HEATR4: variants seen among roughly 807,000 people sequenced by gnomAD.
HEATR4 encodes the protein HEAT repeat containing 4.
HEATR4 carries 95 observed loss-of-function variants against 108.8 expected under a neutral mutation model. The observed-to-expected ratio is 0.87, with a 90% CI of 0.74 to 1.04. The LOEUF is 1.04. HEATR4 is among the 50% of genes least tolerant of loss of function. The pLI is 0.00. For missense variants in HEATR4, 1,152 were observed against 1,253.8 expected (o/e 0.92, Z 1.23); for synonymous variants, 443 against 459.4 (o/e 0.96, Z 0.46).
chr14:73,509,557 C>G, intron 7 of HEATR4, 84 bp from the exon 8 acceptor site: 1 of 1,404,808 alleles, frequency 7.1e-7, no homozygotes, highest in Non-Finnish European at 1.0e-6. Flanking sequence ...CATGTGGTGG[C>G]CAACCTCAGT....
At chr14:73,523,333 G>A (rs1888093536) in intron 2 of HEATR4, 109 bp from the exon 3 acceptor site, 2 of 586,602 alleles carry the variant, frequency 3.4e-6, no homozygotes, top group Admixed American at 3.1e-5. Context: ...AAGGGGGTGG[G>A]GAAGAGCCAT....
chr14:73,523,016 A>T lies in HEATR4; in HGVS notation c.137T>A (p.Val46Glu). 6.2e-7 allele frequency: 1 copy of T among 1,614,088 alleles called. No homozygotes were observed. Among genetic ancestry groups the T allele is most frequent in the East Asian group, 2.2e-5 (1 of 44,870 alleles). Residue 46 changes from valine to glutamate, a missense_variant, in exon 3 of 18, where the codon GTG (valine) becomes GAG (glutamate). Transcript: ENST00000553558. ...GKEECASVSS[V>E]PMVFFSSQYR... is the part of the protein sequence containing the mutation. ...CTGTGAGCTGAAGAAGACCATAGGC[A>T]CACTGGAGACAGAGGCACACTCCTC...
chr14:73,529,632 T>G (rs1052443096), intron 2 of HEATR4, among the ~76,000 whole-genome samples: 4 of 152,136 alleles, frequency 2.6e-5, no homozygotes, highest in Admixed American at 1.3e-4. Flanking sequence ...TCTCAGAGAT[T>G]CCAAATTTAG....
the HEATR4 span, among the ~76,000 whole-genome samples, chr14:73,588,818 A>G: frequency 6.6e-6 from 1 of 152,202 alleles, no homozygotes; most frequent in African/African-American, 2.4e-5. Context: ...AAAAAGTTAA[A>G]AAAAAATTAA....
chr14:73,550,790 C>T lies in HEATR4; in HGVS notation c.-152+7961G>A, dbSNP rs1288375581. The stretch of plus-strand genomic sequence containing the variant: ...TCTTTTAAACCAAGAAGACAAGAAC[C>T]GAGGTGTCACATCAGCCGCCAAAGA... On this transcript the variant is annotated intron_variant, in intron 1 of 17. Transcript: ENST00000553558. 4.3e-5 allele frequency among the ~76,000 whole-genome samples: 5 copies of T among 115,482 alleles called. 1 individual carries two copies. The highest frequency in any genetic ancestry group is 7.6e-5 in the Non-Finnish European group (4 of 52,952). 75.8% of individuals were successfully genotyped at this position (115,482 alleles called of 152,430 possible). A position where few individuals can be genotyped will look rare whatever the true frequency, so the allele number is the denominator to read the frequency against.
At chr14:73,580,615 C>G in the HEATR4 span, 1 of 152,158 alleles carries the variant, frequency 6.6e-6, no homozygotes, top group Admixed American at 6.6e-5. Context: ...ACCTGCTCCA[C>G]TGGCTTGTTT....
chr14:73,576,211 G>A, the HEATR4 span, among the ~76,000 whole-genome samples: 6 of 151,882 alleles, frequency 4.0e-5, no homozygotes, highest in Admixed American at 1.3e-4. Context: ...TACTGTGGAA[G>A]AAAAGCACAT....
Position 73,537,627 on chromosome 14 carries a change from G to T in HEATR4, c.-151-7383C>A. 2 of 1,222,592 alleles carry T rather than the reference G, an allele frequency of 1.6e-6. 1 individual carries two copies. Among genetic ancestry groups the T allele is most frequent in the Non-Finnish European group, 2.2e-6 (2 of 929,956 alleles). 75.7% of individuals were successfully genotyped at this position (1,222,592 alleles called of 1,614,324 possible). On this transcript the variant is annotated intron_variant, in intron 1 of 17. Coordinates refer to ENST00000553558, the MANE Select transcript of HEATR4 (RefSeq NM_001220484.1). Reference sequence around the variant, plus strand: ...GACCTGGAGCGCGCGCCCGCGCTGGGCGGCAGCTTCGCGGGGCTTGAGCCC... The same window carrying T: ...GACCTGGAGCGCGCGCCCGCGCTGGTCGGCAGCTTCGCGGGGCTTGAGCCC...
At chr14:73,604,512 G>A in the HEATR4 span, among the ~76,000 whole-genome samples, 1 of 151,892 alleles carries the variant, frequency 6.6e-6, no homozygotes, top group East Asian at 1.9e-4. Context: ...CTGAGCTGGA[G>A]TCTTGCTCTG....
chr14:73,524,418 G>A (rs898877748), intron 2 of HEATR4, among the ~76,000 whole-genome samples: 3 of 147,364 alleles, frequency 2.0e-5, no homozygotes, highest in African/African-American at 7.6e-5. Flanking sequence ...CCAGATTTTA[G>A]CTAGCATGGC....
chr14:73,481,891 G>A (rs892933059), intron 17 of HEATR4, among the ~76,000 whole-genome samples: 6 of 151,906 alleles, frequency 3.9e-5, no homozygotes, highest in Admixed American at 6.6e-5. Context: ...CCAGCTACTC[G>A]GGAGGCTGAG....
At chr14:73,604,936 T>C in the HEATR4 span, among the ~76,000 whole-genome samples, 3 of 152,200 alleles carry the variant, frequency 2.0e-5, no homozygotes, top group South Asian at 2.1e-4. Context: ...TTTTAATTCT[T>C]GGGGTTTCAT....
chr14:73,509,905 G>A (rs61987127), intron 7 of HEATR4, among the ~76,000 whole-genome samples: 5,955 of 131,674 alleles, frequency 0.045, 217 homozygotes, highest in Non-Finnish European at 0.07. Context: ...ACGGAGTCTT[G>A]TTCTGTCACC....
chr14:73,576,865 TG>T, the HEATR4 span, among the ~76,000 whole-genome samples: 1,886 of 131,980 alleles, frequency 0.014, 51 homozygotes, highest in African/African-American at 0.045. Context: ...ACAATAAACT[TG>T]TTTTTTTTTT....
chr14:73,493,000 T>TTC lies in HEATR4; in HGVS notation c.2844+65_2844+66insGA. 1 of 656,750 alleles carries TTC rather than the reference T, an allele frequency of 1.5e-6. No homozygotes were observed. The highest frequency in any genetic ancestry group is 2.2e-6 in the Non-Finnish European group (1 of 464,668). 40.7% of individuals were successfully genotyped at this position (656,750 alleles called of 1,614,324 possible). On this transcript the variant is annotated intron_variant, in intron 17 of 17. Transcript: ENST00000553558. The surrounding 1 kb of genome is among the most constrained non-coding windows in gnomAD (Gnocchi z 4.9). ...GTGATTCTCCGCTGCCACTGCTACC[T>TTC]TTTTTTTTTTTTTTTCCTTAAACTC... is the stretch of plus-strand genomic sequence containing the variant.
chr14:73,509,488 G>C lies in HEATR4; in HGVS notation c.1559-15C>G. The C allele has an allele frequency of 6.2e-7, 1 of 1,613,164 alleles. No individual in the cohort carries two copies. Among genetic ancestry groups the C allele is most frequent in the African/African-American group, 1.3e-5 (1 of 74,986 alleles). On this transcript the variant is annotated splice_polypyrimidine_tract_variant and intron_variant, in intron 7 of 17. Transcript: ENST00000553558. ...GATGGTCTTGTCTGTGATCAAAAGA[G>C]CCAGGTAAGAGAGTACTAGCCCCTT...
At chr14:73,568,356 A>T in the HEATR4 span, among the ~76,000 whole-genome samples, 1 of 151,772 alleles carries the variant, frequency 6.6e-6, no homozygotes, top group Non-Finnish European at 1.5e-5. Flanking sequence ...AGTGATGAAA[A>T]AAAAAAACAC....
At chr14:73,585,814 CTTTTTCTTTT>C in the HEATR4 span, among the ~76,000 whole-genome samples, 48 of 137,286 alleles carry the variant, frequency 3.5e-4, no homozygotes, top group African/African-American at 1.3e-3. Flanking sequence ...ACTGTTTTGT[CTTTTTCTTTT>C]TTTTTTTTTT....
the HEATR4 span, among the ~76,000 whole-genome samples, chr14:73,593,296 A>G: frequency 6.6e-6 from 1 of 151,752 alleles, no homozygotes; most frequent in Non-Finnish European, 1.5e-5. Flanking sequence ...ATGCAACAGA[A>G]CATAAAGTTT....
Sources: gnomAD v4.1 joint callset for allele counts (sites outside exome capture counted in the v4.1 genomes callset) on GRCh38, gnomAD v4.1.1 for gene constraint, Gnocchi (gnomAD v3.1) non-coding constraint, MANE v1.5 for transcripts, NCBI Gene and HGNC (gene_info 2026-07-23, HGNC 2026-07-21) for gene names.